The following FOXP1 variants were observed in gnomAD, a reference collection of about 807,000 sequenced individuals.
The protein encoded by FOXP1 is forkhead box protein P1.
Under a neutral mutation model 98.2 loss-of-function variants are expected in FOXP1, and 15 were observed. That is an observed-to-expected ratio of 0.15 (90% CI 0.10 to 0.24). FOXP1 has a LOEUF of 0.24. Among genes scored for constraint, FOXP1 ranks in the 10% least tolerant of loss-of-function variants. The pLI, the probability that FOXP1 is intolerant of heterozygous loss-of-function variation, is 1.00. For synonymous variants in FOXP1, 371 were observed against 314.5 expected, an observed-to-expected ratio of 1.18 and a Z score of -1.90; for missense variants, 633 against 848.5, an observed-to-expected ratio of 0.75 and a Z score of 3.15.
chr3:71,178,056 A>G (rs1428360818), intron 6 of FOXP1, among the ~76,000 whole-genome samples: 3 of 142,506 alleles, frequency 2.1e-5, no homozygotes, highest in Non-Finnish European at 4.6e-5. Context: ...CTGGTCTTGA[A>G]CTCCTGGGTT....
At position 71,258,970 on chromosome 3, in the gene FOXP1, C is replaced by T. The variant is rs747958261; in HGVS notation, c.-12+40850G>A. 1.4e-4 allele frequency among the ~76,000 whole-genome samples: 22 copies of T among 152,076 alleles called. 1 individual carries two copies. The highest frequency in any genetic ancestry group is 1.5e-5 in the Non-Finnish European group (1 of 68,002). On this transcript the variant is annotated intron_variant, in intron 5 of 20. Transcript: ENST00000649528. ...ACTACCCTGGCTAATACAGTGAAAC[C>T]CCTTCTCTACTAAAAATACAAAAAA...
chr3:71,255,353 G>A (rs896946365), intron 5 of FOXP1, among the ~76,000 whole-genome samples: 1 of 152,074 alleles, frequency 6.6e-6, no homozygotes. Context: ...TCTGTACCCC[G>A]AAATGTTTTG....
In FOXP1 at chr3:71,295,392, C is replaced by T. The variant is rs2073181358; in HGVS notation, c.-12+4428G>A. The stretch of plus-strand genomic sequence containing the variant: ...ATAGCATTTTAGCTTTATTTTTCAC[C>T]AAGAAATAATTTATAATAGGTAAGA... On this transcript the variant is annotated intron_variant, in intron 5 of 20. Transcript: ENST00000649528. Among the ~76,000 whole-genome samples the T allele has an allele frequency of 2.0e-5, 3 of 151,842 alleles. 1 individual carries two copies. In the South Asian group the frequency reaches 6.2e-4, roughly 32 times the overall value.
At chr3:71,427,016 G>A (rs796880925) in intron 3 of FOXP1, among the ~76,000 whole-genome samples, 18 of 147,584 alleles carry the variant, frequency 1.2e-4, no homozygotes, top group African/African-American at 1.8e-4. Flanking sequence ...AGCCAAGATC[G>A]CACCACTGCA....
At chr3:71,046,475 C>T (rs751579227) in intron 10 of FOXP1, among the ~76,000 whole-genome samples, 16 of 152,060 alleles carry the variant, frequency 1.1e-4, no homozygotes, top group South Asian at 2.1e-4. Flanking sequence ...TGATTTCTAT[C>T]GTTTACAGAA....
intron 4 of FOXP1, among the ~76,000 whole-genome samples, chr3:71,342,852 C>T (rs922637083): frequency 1.3e-5 from 2 of 152,150 alleles, no homozygotes; most frequent in African/African-American, 4.8e-5. Context: ...CAGCTGTATA[C>T]AGTATCAGAA....
rs779216854 is a variant in FOXP1, at chr3:70,955,888, A to G, written c.*3359T>C. On this transcript the variant is annotated 3_prime_UTR_variant, in exon 21 of 21. Coordinates refer to ENST00000649528, the MANE Select transcript of FOXP1 (RefSeq NM_001349338.3). ...GTACAAAATGCTCCAATCAATGAGA[A>G]CAGAAAAAAGAAATCTTCAACTATG... The G allele has an allele frequency of 1.7e-5, 4 of 233,182 alleles. No individual in the cohort carries two copies. Among genetic ancestry groups the G allele is most frequent in the African/African-American group, 8.8e-5 (4 of 45,286 alleles). 14.4% of individuals were successfully genotyped at this position (233,182 alleles called of 1,614,324 possible). A position where few individuals can be genotyped will look rare whatever the true frequency, so the allele number is the denominator to read the frequency against.
chr3:71,175,540 A>G (rs1157098168), intron 6 of FOXP1, among the ~76,000 whole-genome samples: 3 of 152,204 alleles, frequency 2.0e-5, no homozygotes, highest in African/African-American at 7.2e-5. Flanking sequence ...GAGAGAGATA[A>G]AGACAGACTA....
intron 6 of FOXP1, among the ~76,000 whole-genome samples, chr3:71,146,812 C>T (rs936348758): frequency 1.1e-4 from 16 of 152,192 alleles, no homozygotes; most frequent in Non-Finnish European, 1.9e-4. Context: ...AAACACTAAG[C>T]GGAAGACAAA....
intron 3 of FOXP1, among the ~76,000 whole-genome samples, chr3:71,437,452 A>G (rs2085473695): frequency 6.6e-6 from 1 of 152,122 alleles, no homozygotes; most frequent in African/African-American, 2.4e-5. Context: ...ACAAATCATG[A>G]ATACATACAG....
At chr3:71,328,258 G>A (rs976714363) in intron 4 of FOXP1, among the ~76,000 whole-genome samples, 4 of 151,956 alleles carry the variant, frequency 2.6e-5, no homozygotes, top group Non-Finnish European at 5.9e-5. Flanking sequence ...GTAAAACCCC[G>A]TTTCTACCAA....
chr3:71,385,715 G>A (rs1446256834), intron 3 of FOXP1, among the ~76,000 whole-genome samples: 3 of 152,108 alleles, frequency 2.0e-5, no homozygotes, highest in Admixed American at 1.3e-4. Flanking sequence ...TCTGAAGCAT[G>A]GCCTACAAAT....
chr3:71,250,935 AAAAG>A (rs1464574351), intron 5 of FOXP1, among the ~76,000 whole-genome samples: 6 of 152,234 alleles, frequency 3.9e-5, no homozygotes, highest in Non-Finnish European at 7.3e-5. Flanking sequence ...TGTCTCAAAA[AAAAG>A]AAAGAAAGAA....
At chr3:71,530,825 T>C (rs2043781312) in intron 2 of FOXP1, among the ~76,000 whole-genome samples, 1 of 152,128 alleles carries the variant, frequency 6.6e-6, no homozygotes, top group African/African-American at 2.4e-5. Flanking sequence ...CCCAGGGCCA[T>C]GTGACTACAG....
At chr3:71,437,467 T>C (rs2085475564) in intron 3 of FOXP1, among the ~76,000 whole-genome samples, 1 of 152,052 alleles carries the variant, frequency 6.6e-6, no homozygotes, top group Non-Finnish European at 1.5e-5. Flanking sequence ...ATACAGAGTT[T>C]GGAGGTACAA....
intron 5 of FOXP1, among the ~76,000 whole-genome samples, chr3:71,279,539 C>A (rs2071290316): frequency 6.6e-6 from 1 of 152,080 alleles, no homozygotes. Flanking sequence ...AACTAGTCAG[C>A]CCCAAACAAA....
At chr3:71,505,070 C>T (rs2041704408) in intron 2 of FOXP1, among the ~76,000 whole-genome samples, 1 of 152,200 alleles carries the variant, frequency 6.6e-6, no homozygotes. Context: ...ACCCAAGCCT[C>T]GTCCCTTAAC....
At chr3:71,028,518 G>T (rs181190647) in intron 11 of FOXP1, among the ~76,000 whole-genome samples, 7 of 152,284 alleles carry the variant, frequency 4.6e-5, no homozygotes, top group Non-Finnish European at 8.8e-5. Context: ...AGAAACTTAA[G>T]TTTTCTCATG....
At chr3:71,217,857 A>ATC in intron 5 of FOXP1, among the ~76,000 whole-genome samples, 1 of 152,132 alleles carries the variant, frequency 6.6e-6, no homozygotes, top group East Asian at 1.9e-4. Context: ...TCGAACACTC[A>ATC]TCTCTCCAAA....
Sources: gnomAD v4.1 joint callset for allele counts (sites outside exome capture counted in the v4.1 genomes callset) on GRCh38, gnomAD v4.1.1 for gene constraint, MANE v1.5 for transcripts, NCBI Gene and HGNC (gene_info 2026-07-23, HGNC 2026-07-21) for gene names.